The following CCDC97 variants were observed in gnomAD, a reference collection of about 807,000 sequenced individuals.
CCDC97 encodes the protein coiled-coil domain-containing protein 97.
Under a neutral mutation model 33.9 loss-of-function variants are expected in CCDC97, and 27 were observed. That is an observed-to-expected ratio of 0.80 (90% CI 0.59 to 1.10). CCDC97 has a LOEUF of 1.10. CCDC97 is among the 50% of genes least tolerant of loss of function. The probability of loss-of-function intolerance (pLI) is 0.00; values close to 1 mark genes in which losing one functional copy is unlikely to be tolerated. For synonymous variants in CCDC97, 217 were observed against 194.0 expected (o/e 1.12, Z -0.99); for missense variants, 422 against 476.6 (o/e 0.89, Z 1.07).
At position 41,316,406 on chromosome 19, in the gene CCDC97, G is replaced by A. The variant is rs1470429432; in HGVS notation, c.69G>A (p.Gly23=). 2 of 1,613,296 alleles carry A rather than the reference G, an allele frequency of 1.2e-6. No homozygotes were observed. Among genetic ancestry groups the A allele is most frequent in the East Asian group, 2.2e-5 (1 of 44,832 alleles). ...CAGGCTGCATAGAGCCTGGACCTGG[G>A]CACTGGGGTGAGCTGAGCCGGACAC... is the stretch of plus-strand genomic sequence containing the variant. The part of the protein sequence containing the change: ...PDKGCIEPGP[G]HWGELSRTPV... Residue 23 remains glycine (G), a synonymous_variant, in exon 2 of 5, where the codon GGG becomes GGA. Coordinates refer to ENST00000269967, the MANE Select transcript of CCDC97 (RefSeq NM_052848.3).
Position 41,316,675 on chromosome 19 carries a change from C to A in CCDC97, c.338C>A (p.Thr113Lys), listed in dbSNP as rs751004878. 6.2e-7 allele frequency: 1 copy of A among 1,614,134 alleles called. No homozygotes were observed. The highest frequency in any genetic ancestry group is 8.5e-7 in the Non-Finnish European group (1 of 1,180,014). Residue 113 changes from threonine (T) to lysine (K), a missense_variant, in exon 2 of 5, where the codon ACA (threonine) becomes AAA (lysine). Physicochemically the swap from Thr to Lys is moderately conservative, Grantham distance 78. Coordinates refer to ENST00000269967, the MANE Select transcript of CCDC97 (RefSeq NM_052848.3). ...KPLVFLERFR[T>K]GLREEHLACF... ...CTGGTGTTCCTGGAGCGCTTCCGCACAGGCCTCCGTGAGGAGCATCTGGCC... is the reference window on the plus strand; with the variant it reads ...CTGGTGTTCCTGGAGCGCTTCCGCAAAGGCCTCCGTGAGGAGCATCTGGCC...
In CCDC97 at chr19:41,316,845, G is replaced by T; in HGVS notation, c.502+6G>T. The T allele has an allele frequency of 6.4e-7, 1 of 1,572,724 alleles. No individual in the cohort carries two copies. The highest frequency in any genetic ancestry group is 8.7e-7 in the Non-Finnish European group (1 of 1,152,256). ...CCTGCGAGAGCTGATCCAAGGTGTG[G>T]GGGCCAGATGGGCGACAGTGGGCAC... is the stretch of plus-strand genomic sequence containing the variant. On this transcript the variant is annotated splice_donor_region_variant and intron_variant, in intron 2 of 4. Coordinates refer to ENST00000269967, the MANE Select transcript of CCDC97 (RefSeq NM_052848.3).
In CCDC97 at chr19:41,323,945, G is replaced by A. The variant is rs1228011681; in HGVS notation, c.*1230G>A. The A allele has an allele frequency of 6.5e-6, 1 of 152,874 alleles. No individual in the cohort carries two copies. The highest frequency in any genetic ancestry group is 1.5e-5 in the Non-Finnish European group (1 of 68,306). The allele number at this position is 152,874 out of a possible 1,614,324, so 9.5% of individuals were successfully genotyped here. On this transcript the variant is annotated 3_prime_UTR_variant, in exon 5 of 5. Transcript: ENST00000269967. ...CACACAGGAGGGCCTGGCCACTGTT[G>A]AGGGGGCACACAGGGCAAGGGTCAC...
intron 4 of CCDC97, 193 bp downstream of exon 4, chr19:41,320,663 C>T: frequency 1.7e-6 from 1 of 603,152 alleles, no homozygotes; most frequent in South Asian, 1.9e-5. Flanking sequence ...CCATCTCAGA[C>T]CCTCAGTCTC....
intron 2 of CCDC97, among the ~76,000 whole-genome samples, chr19:41,317,683 C>T (rs1349636202): frequency 4.0e-5 from 6 of 149,846 alleles, no homozygotes; most frequent in African/African-American, 1.5e-4. Context: ...TAAGCTCTAG[C>T]CTGGGCGATA....
intron 2 of CCDC97, among the ~76,000 whole-genome samples, chr19:41,319,233 C>T (rs16958996): frequency 0.21 from 32,230 of 152,182 alleles, 3,718 homozygotes; most frequent in East Asian, 0.35. Context: ...AGATAGAGGC[C>T]GGGCCACATA....
At position 41,320,459 on chromosome 19, in the gene CCDC97, CT is replaced by C; in HGVS notation, c.903del (p.Phe301LeufsTer6). ...GCTTCCTAGATGGCAAGGACGGGGA[CT>C]TTGACTACAGGTGCTCCTGTGCCTC... Reference protein sequence around the residue: ...QRFLDGKDGDFDYSTVDDNPD... With the variant: ...QRFLDGKDGDXDYSTVDDNPD... On this transcript the variant is annotated frameshift_variant, in exon 4 of 5. Transcript: ENST00000269967. LOFTEE classifies it high-confidence loss of function. The C allele has an allele frequency of 6.2e-7, 1 of 1,614,050 alleles. No individual in the cohort carries two copies. The highest frequency in any genetic ancestry group is 8.5e-7 in the Non-Finnish European group (1 of 1,179,944).
In CCDC97 at chr19:41,310,308, A is replaced by C. The variant is rs746038340; in HGVS notation, c.-3A>C. ...GGCGGTTGAAAAGTCCGAGAGAATC[A>C]GGATGGAGGCCGTGGCGACGGCGAC... is the stretch of plus-strand genomic sequence containing the variant. On this transcript the variant is annotated 5_prime_UTR_variant, in exon 1 of 5. Coordinates refer to ENST00000269967, the MANE Select transcript of CCDC97 (RefSeq NM_052848.3). 6.2e-7 allele frequency: 1 copy of C among 1,602,878 alleles called. No homozygotes were observed. Among genetic ancestry groups the C allele is most frequent in the South Asian group, 1.1e-5 (1 of 88,986 alleles).
In CCDC97 at chr19:41,324,840, C is replaced by CT. The variant is rs1408956869; in HGVS notation, c.*2126dup. ...GGTGATAGGCACATTTTTTACCAGT[C>CT]TATCATTTGGTCATTAAATTTGTTT... On this transcript the variant is annotated 3_prime_UTR_variant, in exon 5 of 5. Coordinates refer to ENST00000269967, the MANE Select transcript of CCDC97 (RefSeq NM_052848.3). The CT allele has an allele frequency of 6.6e-6, 1 of 152,188 alleles. No individual in the cohort carries two copies. Among genetic ancestry groups the CT allele is most frequent in the Admixed American group, 6.5e-5 (1 of 15,280 alleles). 9.4% of individuals were successfully genotyped at this position (152,188 alleles called of 1,614,324 possible).
chr19:41,310,466 C>A, intron 1 of CCDC97, 110 bp downstream of exon 1: 1 of 1,516,594 alleles, frequency 6.6e-7, no homozygotes, highest in Admixed American at 2.0e-5. Flanking sequence ...ACACCCACCC[C>A]CCTCAGCTTT....
intron 1 of CCDC97, among the ~76,000 whole-genome samples, chr19:41,313,045 T>G (rs1788862428): frequency 1.3e-5 from 2 of 152,204 alleles, no homozygotes; most frequent in South Asian, 2.1e-4. Context: ...GTGCTGGGAT[T>G]ACAGGGGTGA....
rs1475428329 is a variant in CCDC97, at chr19:41,323,524, T to C, written c.*809T>C. 5 of 152,972 alleles carry C rather than the reference T, an allele frequency of 3.3e-5. No homozygotes were observed. Among genetic ancestry groups the C allele is most frequent in the Admixed American group, 2.6e-4 (4 of 15,280 alleles). 9.5% of individuals were successfully genotyped at this position (152,972 alleles called of 1,614,324 possible). On this transcript the variant is annotated 3_prime_UTR_variant, in exon 5 of 5. Transcript: ENST00000269967. ...GGGAGGAGACCCCAGGCAGGGAGGA[T>C]GGGGGCAGCTCTCTTCTCTCCCCAG...
rs2037861012 is a variant in CCDC97, at chr19:41,324,407, G to A, written c.*1692G>A. On this transcript the variant is annotated 3_prime_UTR_variant, in exon 5 of 5. Transcript: ENST00000269967. Reference sequence around the variant, plus strand: ...GGTCCTAGAAACCACTTGGCTGTCTGGCCTCTCAGGTGTCAGGGCCATCCA... The same window carrying A: ...GGTCCTAGAAACCACTTGGCTGTCTAGCCTCTCAGGTGTCAGGGCCATCCA... The A allele has an allele frequency of 6.6e-6, 1 of 152,238 alleles. No individual in the cohort carries two copies. Among genetic ancestry groups the A allele is most frequent in the South Asian group, 2.1e-4 (1 of 4,832 alleles). 9.4% of individuals were successfully genotyped at this position (152,238 alleles called of 1,614,324 possible).
At chr19:41,316,338 T>G (rs2037745083) in intron 1 of CCDC97, 46 bp from the exon 2 acceptor site, 1 of 1,497,254 alleles carries the variant, frequency 6.7e-7, no homozygotes, top group Admixed American at 1.8e-5. Flanking sequence ...CCCCAGTCCC[T>G]TCCCACACTC....
rs1261514074 is a variant in CCDC97 at position 41,323,431 on chromosome 19, C to T, written c.*716C>T. 6.5e-6 allele frequency: 1 copy of T among 153,614 alleles called. No individual in the cohort carries two copies. The highest frequency in any genetic ancestry group is 2.4e-5 in the African/African-American group (1 of 41,564). The allele number at this position is 153,614 out of a possible 1,614,324, so 9.5% of individuals were successfully genotyped here. A position where few individuals can be genotyped will look rare whatever the true frequency, so the allele number is the denominator to read the frequency against. On this transcript the variant is annotated 3_prime_UTR_variant, in exon 5 of 5. Transcript: ENST00000269967. ...CTCCAGGCTCTGGGCCCCTTCTTCCCCCTTCCCTCAAACCTGGCTGCTATA... is the reference window on the plus strand; with the variant it reads ...CTCCAGGCTCTGGGCCCCTTCTTCCTCCTTCCCTCAAACCTGGCTGCTATA...
At chr19:41,317,728 A>C (rs944313311) in intron 2 of CCDC97, among the ~76,000 whole-genome samples, 88 of 150,640 alleles carry the variant, frequency 5.8e-4, no homozygotes, top group Admixed American at 1.2e-3. Context: ...AAAAAAAAAA[A>C]CACAGATGTG....
chr19:41,315,840 GC>G (rs1324942739), intron 1 of CCDC97, among the ~76,000 whole-genome samples: 1 of 150,846 alleles, frequency 6.6e-6, no homozygotes, highest in Non-Finnish European at 1.5e-5. Flanking sequence ...CACCTTTAAT[GC>G]CCAGCACTTT....
Position 41,319,620 on chromosome 19 carries a change from G to T in CCDC97, c.549G>T (p.Leu183=), listed in dbSNP as rs968148213. The T allele has an allele frequency of 6.2e-7, 1 of 1,613,140 alleles. No individual in the cohort carries two copies. The highest frequency in any genetic ancestry group is 8.5e-7 in the Non-Finnish European group (1 of 1,179,396). ...SDEQMRFRAP[L]LYEQYIGQYL... Reference sequence around the variant, plus strand: ...AGCAGATGCGGTTCCGGGCCCCCCTGCTATATGAGCAGTACATCGGGCAGT... The same window carrying T: ...AGCAGATGCGGTTCCGGGCCCCCCTTCTATATGAGCAGTACATCGGGCAGT... The change falls in exon 3 of 5, where the codon CTG becomes CTT. Residue 183 remains leucine, a synonymous_variant. Coordinates refer to ENST00000269967, the MANE Select transcript of CCDC97 (RefSeq NM_052848.3).
intron 3 of CCDC97, 64 bp downstream of exon 3, chr19:41,319,916 C>T (rs1042727716): frequency 2.6e-6 from 2 of 769,082 alleles, no homozygotes; most frequent in African/African-American, 3.5e-5. Context: ...TGTCTGTCTC[C>T]ACTTCATGGC....
Sources: gnomAD v4.1 joint callset for allele counts (sites outside exome capture counted in the v4.1 genomes callset) on GRCh38, gnomAD v4.1.1 for gene constraint, MANE v1.5 for transcripts, NCBI Gene and HGNC (gene_info 2026-07-23, HGNC 2026-07-21) for gene names.